The following HIPK2 variants were observed in gnomAD, a reference collection of about 807,000 sequenced individuals.
HIPK2 encodes the protein homeodomain interacting protein kinase 2.
Under a neutral mutation model 113.7 loss-of-function variants are expected in HIPK2, and 27 were observed. The observed-to-expected ratio is 0.24, with a 90% CI of 0.17 to 0.33. HIPK2 has a LOEUF of 0.33. HIPK2 is among the 10% of genes least tolerant of loss of function. The pLI, the probability that HIPK2 is intolerant of heterozygous loss-of-function variation, is 1.00. For synonymous variants in HIPK2, 631 were observed against 642.2 expected (o/e 0.98, Z 0.26); for missense variants, 1,257 against 1,588.0 (o/e 0.79, Z 3.54).
chr7:139,622,044 T>C (rs1391964424), intron 6 of HIPK2, among the ~76,000 whole-genome samples: 1 of 152,208 alleles, frequency 6.6e-6, no homozygotes, highest in African/African-American at 2.4e-5. Flanking sequence ...AAAAGTTTTC[T>C]ACTATTTTAG....
chr7:139,606,808 C>T (rs1799633652), intron 9 of HIPK2, among the ~76,000 whole-genome samples: 1 of 152,184 alleles, frequency 6.6e-6, no homozygotes, highest in African/African-American at 2.4e-5. Context: ...TCTCCCCTAC[C>T]CTCCAGGTTT....
intron 2 of HIPK2, among the ~76,000 whole-genome samples, chr7:139,655,352 T>C (rs1327405171): frequency 3.3e-5 from 5 of 152,244 alleles, no homozygotes; most frequent in African/African-American, 7.2e-5. Context: ...AAGACGTAAG[T>C]TGCAGTGGAG....
intron 6 of HIPK2, among the ~76,000 whole-genome samples, chr7:139,624,123 A>G (rs1191753200): frequency 6.6e-6 from 1 of 151,822 alleles, no homozygotes; most frequent in African/African-American, 2.4e-5. Context: ...CCTGGGTTCA[A>G]GCGATTCTTG....
At chr7:139,640,756 C>G (rs2116372693) in intron 2 of HIPK2, among the ~76,000 whole-genome samples, 1 of 152,044 alleles carries the variant, frequency 6.6e-6, no homozygotes, top group African/African-American at 2.4e-5. Flanking sequence ...CTCAAGCAAC[C>G]CTCCCTCCTC....
intron 2 of HIPK2, among the ~76,000 whole-genome samples, chr7:139,689,954 T>C (rs574270473): frequency 6.6e-6 from 1 of 151,334 alleles, no homozygotes; most frequent in Non-Finnish European, 1.5e-5. Context: ...TTGCTCACCA[T>C]CCACAGTGAG....
At position 139,600,743 on chromosome 7, in the gene HIPK2, A is replaced by G. The variant is rs551954392; in HGVS notation, c.2256-147T>C. On this transcript the variant is annotated intron_variant, in intron 10 of 14. Coordinates refer to ENST00000406875, the MANE Select transcript of HIPK2 (RefSeq NM_022740.5). Reference sequence around the variant, plus strand: ...AGCTGCTGAAGGGATGAGCCTGGCCATGTGTGCTCAACGGGTGGGTTTCTT... The same window carrying G: ...AGCTGCTGAAGGGATGAGCCTGGCCGTGTGTGCTCAACGGGTGGGTTTCTT... 7 of 839,988 alleles carry G rather than the reference A, an allele frequency of 8.3e-6. No individual in the cohort carries two copies. In the African/African-American group the frequency reaches 1.2e-4, roughly 14 times the overall value. 52.0% of individuals were successfully genotyped at this position (839,988 alleles called of 1,614,324 possible).
At chr7:139,692,840 G>A (rs538865189) in intron 2 of HIPK2, among the ~76,000 whole-genome samples, 3 of 152,332 alleles carry the variant, frequency 2.0e-5, no homozygotes, top group Admixed American at 6.5e-5. Flanking sequence ...GAAGAAGTAC[G>A]GCTCTAAATT....
chr7:139,634,142 C>T (rs1246284489), intron 2 of HIPK2, among the ~76,000 whole-genome samples: 1 of 151,956 alleles, frequency 6.6e-6, no homozygotes, highest in Non-Finnish European at 1.5e-5. Flanking sequence ...TTATTCCTTT[C>T]CTCACAACTA....
intron 2 of HIPK2, among the ~76,000 whole-genome samples, chr7:139,671,776 G>A (rs533425212): frequency 3.4e-4 from 51 of 152,182 alleles, no homozygotes; most frequent in African/African-American, 1.2e-3. Flanking sequence ...GGTCTCGAAC[G>A]ACCTCAGGTG....
At chr7:139,574,941 A>C (rs1314367695) in intron 14 of HIPK2, 187 bp downstream of exon 14, 1 of 288,018 alleles carries the variant, frequency 3.5e-6, no homozygotes, top group South Asian at 1.3e-4. Flanking sequence ...TGGTGATATC[A>C]ACTTCCCCAA....
intron 1 of HIPK2, among the ~76,000 whole-genome samples, chr7:139,763,289 A>G (rs1223602899): frequency 6.6e-6 from 1 of 152,204 alleles, no homozygotes; most frequent in Non-Finnish European, 1.5e-5. Flanking sequence ...TCTAATGTGC[A>G]CTTAATATCA....
intron 1 of HIPK2, among the ~76,000 whole-genome samples, chr7:139,724,567 C>T (rs1011347110): frequency 7.9e-5 from 12 of 151,924 alleles, no homozygotes; most frequent in African/African-American, 2.9e-4. Context: ...TTTTAGGGTA[C>T]ATGTGCACAA....
intron 13 of HIPK2, among the ~76,000 whole-genome samples, chr7:139,577,316 C>T (rs113860217): frequency 0.055 from 8,333 of 151,766 alleles, 504 homozygotes; most frequent in African/African-American, 0.15. Context: ...GCCTGGCTAA[C>T]TTTTTTGTAT....
intron 1 of HIPK2, among the ~76,000 whole-genome samples, chr7:139,737,299 G>T (rs1795964551): frequency 6.6e-6 from 1 of 152,106 alleles, no homozygotes; most frequent in African/African-American, 2.4e-5. Flanking sequence ...AGAATAATAA[G>T]CCCGTTGATT....
At chr7:139,625,128 T>A (rs1000818168) in intron 6 of HIPK2, among the ~76,000 whole-genome samples, 1 of 152,202 alleles carries the variant, frequency 6.6e-6, no homozygotes, top group East Asian at 1.9e-4. Flanking sequence ...ATCCTTCCAA[T>A]GACACTGGCC....
At chr7:139,635,789 A>G (rs1050383132) in intron 2 of HIPK2, among the ~76,000 whole-genome samples, 6 of 152,174 alleles carry the variant, frequency 3.9e-5, no homozygotes, top group African/African-American at 1.4e-4. Context: ...ACAGACATAA[A>G]AATCGAGCCG....
chr7:139,765,182 G>A (rs73735615), intron 1 of HIPK2, among the ~76,000 whole-genome samples: 19,319 of 151,852 alleles, frequency 0.13, 2,209 homozygotes, highest in Admixed American at 0.27. Context: ...ACCTGGTGAT[G>A]TATCTAGAAC....
At chr7:139,695,342 C>G (rs983451043) in intron 2 of HIPK2, among the ~76,000 whole-genome samples, 2 of 152,138 alleles carry the variant, frequency 1.3e-5, no homozygotes, top group Non-Finnish European at 1.5e-5. Context: ...CGGAACTGCA[C>G]GACTACTGTG....
At chr7:139,746,763 T>C (rs776404079) in intron 1 of HIPK2, among the ~76,000 whole-genome samples, 2 of 152,164 alleles carry the variant, frequency 1.3e-5, no homozygotes, top group Non-Finnish European at 2.9e-5. Flanking sequence ...ACCTCACCAC[T>C]CAGTCAGGTG....
Sources: allele counts gnomAD v4.1 joint callset (sites outside exome capture counted in the v4.1 genomes callset), GRCh38; gene constraint gnomAD v4.1.1; transcripts MANE v1.5; gene names NCBI Gene and HGNC (gene_info 2026-07-23, HGNC 2026-07-21).